CSNK2A1: variants seen among roughly 807,000 people sequenced by gnomAD.
CSNK2A1 encodes casein kinase II subunit alpha.
In CSNK2A1, 10 loss-of-function variants were observed where a neutral mutation model predicts 62.9. The ratio of observed to expected loss-of-function variants is 0.16; its 90% CI spans 0.10 to 0.27. The LOEUF (loss-of-function observed/expected upper bound fraction) is 0.27, where lower values mean the gene tolerates loss of function less well. CSNK2A1 is among the 10% of genes least tolerant of loss of function. The pLI is 1.00. For missense variants in CSNK2A1, 160 were observed against 492.0 expected (o/e 0.33, Z 6.38); for synonymous variants, 124 against 167.8 (o/e 0.74, Z 2.02).
At chr20:536,291 C>T (rs1285595309) in intron 1 of CSNK2A1, among the ~76,000 whole-genome samples, 1 of 152,160 alleles carries the variant, frequency 6.6e-6, no homozygotes, top group Non-Finnish European at 1.5e-5. Context: ...AGAATGACAG[C>T]ACTGGCAATA....
At chr20:489,305 T>G (rs1163803710) in intron 10 of CSNK2A1, 1 of 180,458 alleles carries the variant, frequency 5.5e-6, no homozygotes, top group African/African-American at 2.4e-5. Context: ...GACATGGTGC[T>G]CAAAGGGAAC....
intron 4 of CSNK2A1, 82 bp from the exon 5 acceptor site, chr20:500,016 T>C (rs2018428066): frequency 4.6e-6 from 5 of 1,076,442 alleles, no homozygotes; most frequent in Non-Finnish European, 6.9e-6. Flanking sequence ...AATACATAAA[T>C]GATAAATGGC....
intron 2 of CSNK2A1, among the ~76,000 whole-genome samples, chr20:517,407 ATT>A (rs1015740568): frequency 2.0e-5 from 3 of 152,270 alleles, no homozygotes; most frequent in South Asian, 2.1e-4. Context: ...CCAGAAAGGC[ATT>A]CTTTCTCTTG....
At chr20:526,750 T>C (rs1477509318) in intron 2 of CSNK2A1, 1 of 151,890 alleles carries the variant, frequency 6.6e-6, no homozygotes, top group East Asian at 1.9e-4. Flanking sequence ...GGTCAGGAGC[T>C]CGAGACCAGT....
intron 3 of CSNK2A1, 122 bp from the exon 4 acceptor site, chr20:505,351 GTTTTTTTTTTT>G (rs746624346): frequency 6.4e-5 from 15 of 236,194 alleles, no homozygotes; most frequent in African/African-American, 3.4e-4. Flanking sequence ...TCCCAAATAG[GTTTTTTTTTTT>G]TTTTTTTTTT....
intron 2 of CSNK2A1, among the ~76,000 whole-genome samples, chr20:512,639 G>C (rs2018747866): frequency 6.6e-6 from 1 of 152,116 alleles, no homozygotes; most frequent in African/African-American, 2.4e-5. Context: ...CCAAATATAT[G>C]AGATCAAAAG....
At chr20:516,373 A>G (rs2018829106) in intron 2 of CSNK2A1, among the ~76,000 whole-genome samples, 1 of 152,218 alleles carries the variant, frequency 6.6e-6, no homozygotes, top group African/African-American at 2.4e-5. Context: ...TCAGCTACGA[A>G]AAAAGTATCA....
intron 10 of CSNK2A1, chr20:489,224 C>T (rs2018164498): frequency 5.7e-6 from 1 of 174,468 alleles, no homozygotes. Flanking sequence ...TTCCTCAGTA[C>T]TGCATGCACT....
intron 13 of CSNK2A1, 144 bp downstream of exon 13, chr20:486,232 G>C: frequency 2.5e-6 from 2 of 802,488 alleles, no homozygotes; most frequent in Non-Finnish European, 3.9e-6. Context: ...TATACCAAAT[G>C]TCAAGCATGC....
rs554314992 is a variant in CSNK2A1 at position 482,527 on chromosome 20, C to G, written c.*1434G>C. The G allele has an allele frequency of 6.6e-6, 1 of 150,982 alleles. No homozygotes were observed. The highest frequency in any genetic ancestry group is 2.1e-4 in the South Asian group (1 of 4,778). The allele number at this position is 150,982 out of a possible 1,614,324, so 9.4% of individuals were successfully genotyped here. A position where few individuals can be genotyped will look rare whatever the true frequency, so the allele number is the denominator to read the frequency against. On this transcript the variant is annotated 3_prime_UTR_variant, in exon 14 of 14. Transcript: ENST00000217244. ...CCCAGAGACGCTTTGGCTTGTGGTG[C>G]TTTTTTTTTAAGGCCTCTCTGCTCT...
intron 8 of CSNK2A1, 27 bp downstream of exon 8, chr20:495,692 A>G (rs767704260): frequency 1.9e-6 from 3 of 1,599,730 alleles, no homozygotes; most frequent in African/African-American, 1.3e-5. Context: ...ATGTAGATAA[A>G]TAACACTTGT....
intron 13 of CSNK2A1, among the ~76,000 whole-genome samples, chr20:485,396 T>C (rs982195723): frequency 3.7e-4 from 57 of 152,046 alleles, no homozygotes; most frequent in African/African-American, 1.3e-3. Flanking sequence ...CTGGCCAGGC[T>C]GGTCTCGAAC....
chr20:489,761 T>C lies in CSNK2A1; in HGVS notation c.723+19A>G, dbSNP rs1474278433. On this transcript the variant is annotated intron_variant, in intron 10 of 13. Coordinates refer to ENST00000217244, the MANE Select transcript of CSNK2A1 (RefSeq NM_177559.3). ...TGCATTAGGCCAGTACATTTTTCAA[T>C]GGGTATAACATATATTACCTGATCA... 1.9e-6 allele frequency: 3 copies of C among 1,588,514 alleles called. No individual in the cohort carries two copies. The highest frequency in any genetic ancestry group is 4.5e-5 in the East Asian group (2 of 44,718).
At chr20:541,910 A>G (rs181320757) in intron 1 of CSNK2A1, among the ~76,000 whole-genome samples, 1 of 152,338 alleles carries the variant, frequency 6.6e-6, no homozygotes, top group East Asian at 1.9e-4. Flanking sequence ...AAGGACAAAA[A>G]CATGCCCTGC....
chr20:508,963 A>AC (rs1315983179), intron 2 of CSNK2A1, among the ~76,000 whole-genome samples: 2 of 152,256 alleles, frequency 1.3e-5, no homozygotes, highest in African/African-American at 4.8e-5. Context: ...GAGGATAGAT[A>AC]CATCAGCATT....
chr20:529,947 T>G (rs776052286), intron 1 of CSNK2A1, among the ~76,000 whole-genome samples: 2 of 152,196 alleles, frequency 1.3e-5, no homozygotes, highest in African/African-American at 2.4e-5. Context: ...CTACTCTGTG[T>G]GTATATCTCC....
intron 1 of CSNK2A1, among the ~76,000 whole-genome samples, chr20:541,284 A>T (rs778614121): frequency 2.4e-4 from 36 of 152,122 alleles, no homozygotes; most frequent in Non-Finnish European, 4.9e-4. Flanking sequence ...TACACCTGCC[A>T]AGTTCCTTTT....
intron 6 of CSNK2A1, chr20:497,984 A>G (rs2018379696): frequency 3.9e-6 from 2 of 507,088 alleles, no homozygotes; most frequent in South Asian, 4.4e-5. Context: ...AGAATTACTT[A>G]AACATATATT....
intron 4 of CSNK2A1, chr20:500,499 C>T (rs1415785067): frequency 6.5e-6 from 1 of 154,844 alleles, no homozygotes; most frequent in Non-Finnish European, 1.4e-5. Context: ...CTAAGCCTTT[C>T]ATTAAGTGTA....
Sources: gnomAD v4.1 joint callset for allele counts (sites outside exome capture counted in the v4.1 genomes callset) on GRCh38, gnomAD v4.1.1 for gene constraint, MANE v1.5 for transcripts, NCBI Gene and HGNC (gene_info 2026-07-23, HGNC 2026-07-21) for gene names.